UFD1: variants seen among roughly 807,000 people sequenced by gnomAD.
UFD1 encodes ubiquitin recognition factor in ER-associated degradation protein 1.
In UFD1, 13 loss-of-function variants were observed where a neutral mutation model predicts 45.9. The observed-to-expected ratio is 0.28, with a 90% confidence interval of 0.18 to 0.45. UFD1 has a LOEUF of 0.45. Ranked by LOEUF, UFD1 falls within the 20% of genes least tolerant of loss-of-function variation. The pLI is 1.00. For missense variants in UFD1, 218 were observed against 389.2 expected, an observed-to-expected ratio of 0.56 and a Z score of 3.70; for synonymous variants, 128 against 139.2, an observed-to-expected ratio of 0.92 and a Z score of 0.56.
At chr22:19,456,657 G>A in intron 8 of UFD1, 23 bp from the exon 9 acceptor site, 2 of 1,614,182 alleles carry the variant, frequency 1.2e-6, no homozygotes, top group South Asian at 1.1e-5. Context: ...AAGAAAAACA[G>A]GTGAGCTCCT....
chr22:19,461,256 T>C (rs944011418), intron 6 of UFD1, among the ~76,000 whole-genome samples: 1 of 152,274 alleles, frequency 6.6e-6, no homozygotes, highest in African/African-American at 2.4e-5. Context: ...TACCCATTCA[T>C]CTGCAATTTA....
chr22:19,477,844 G>A (rs1327721973), intron 1 of UFD1, among the ~76,000 whole-genome samples: 1 of 152,156 alleles, frequency 6.6e-6, no homozygotes, highest in Non-Finnish European at 1.5e-5. Flanking sequence ...AACATAGCAT[G>A]TTCCCGCCTA....
Position 19,471,911 on chromosome 22 carries a change from C to T in UFD1, c.170-103G>A, listed in dbSNP as rs146170974. ...AGCCTCCCCACAATCCTGCCCTCAA[C>T]CCCACACTCCTCTGGCAGATGAATC... On this transcript the variant is annotated intron_variant, in intron 3 of 11. Transcript: ENST00000263202. The T allele has an allele frequency of 5.6e-5, 82 of 1,474,772 alleles. No individual in the cohort carries two copies. In the African/African-American group the frequency reaches 9.1e-4, roughly 16 times the overall value. 91.4% of individuals were successfully genotyped at this position (1,474,772 alleles called of 1,614,324 possible). A position where few individuals can be genotyped will look rare whatever the true frequency, so the allele number is the denominator to read the frequency against.
At chr22:19,453,923 G>A (rs928338474) in intron 11 of UFD1, 32 of 985,422 alleles carry the variant, frequency 3.2e-5, no homozygotes, top group Admixed American at 1.2e-4. Context: ...GGTCTGAAGC[G>A]CTGGTGTTGT....
At position 19,465,003 on chromosome 22, in the gene UFD1, C is replaced by A. The variant is rs532358773; in HGVS notation, c.495+199G>T. ...GTCTATCAATGTTCCCCTGTAAATG[C>A]AATCTATCCTCAAAACAGAGTTACC... On this transcript the variant is annotated intron_variant, in intron 6 of 11. Transcript: ENST00000263202. 5.9e-5 allele frequency among the ~76,000 whole-genome samples: 9 copies of A among 152,158 alleles called. No individual in the cohort carries two copies. The East Asian group carries it at 1.7e-3, about 29-fold the overall frequency.
In UFD1 at chr22:19,475,593, T is replaced by C; in HGVS notation, c.13A>G (p.Asn5Asp). Residue 5 changes from asparagine to aspartate, a missense_variant, in exon 2 of 12, where the codon AAC becomes GAC. Asn to Asp is a conservative substitution (Grantham distance 23, BLOSUM62 1). Transcript: ENST00000263202. ...CTGGGAATAGGGTGGTCGAACATGT[T>C]GAAAGAGAACTAGAAGGAGGAAAGA... MFSF[N>D]MFDHPIPRVF... 6.2e-7 allele frequency: 1 copy of C among 1,614,122 alleles called. No homozygotes were observed.
In UFD1 at chr22:19,450,679, T is replaced by C. The variant is rs775969962; in HGVS notation, c.915A>G (p.Arg305=). The C allele has an allele frequency of 5.6e-6, 9 of 1,614,202 alleles. No individual in the cohort carries two copies. Among genetic ancestry groups the C allele is most frequent in the Middle Eastern group, 1.6e-4 (1 of 6,062 alleles). The change falls in exon 12 of 12, where the codon AGA becomes AGG. Residue 305 remains arginine, a synonymous_variant. Coordinates refer to ENST00000263202, the MANE Select transcript of UFD1 (RefSeq NM_005659.7). ...GEGQSLRKKG[R]KP ...AGCCAACAGTCCTCACTTAGGGCTTTCTTCCCTTTTTACGCAATGACTGTC... is the reference window on the plus strand; with the variant it reads ...AGCCAACAGTCCTCACTTAGGGCTTCCTTCCCTTTTTACGCAATGACTGTC...
chr22:19,479,069 C>T lies in UFD1; in HGVS notation c.3+14G>A. 1 of 1,611,290 alleles carries T rather than the reference C, an allele frequency of 6.2e-7. No homozygotes were observed. The highest frequency in any genetic ancestry group is 8.5e-7 in the Non-Finnish European group (1 of 1,179,232). On this transcript the variant is annotated intron_variant, in intron 1 of 11. Transcript: ENST00000263202. ...CCAAGGCCCAGCCCCCGCCCGCTGC[C>T]CGTCAGCGCTTACCATGATGGACAC...
chr22:19,475,178 T>C (rs1346398768), intron 2 of UFD1, 78 bp from the exon 3 acceptor site: 9 of 1,433,488 alleles, frequency 6.3e-6, no homozygotes, highest in Non-Finnish European at 8.5e-6. Flanking sequence ...AGTTTCTTTA[T>C]ATCTAACAAA....
intron 10 of UFD1, 71 bp downstream of exon 10, chr22:19,455,609 G>A: frequency 6.9e-7 from 1 of 1,459,172 alleles, no homozygotes; most frequent in Non-Finnish European, 9.5e-7. Context: ...GAACTGGGGT[G>A]AGGCTGCCCG....
intron 11 of UFD1, chr22:19,451,944 C>CT (rs2089686265): frequency 9.1e-6 from 9 of 985,414 alleles, no homozygotes; most frequent in Non-Finnish European, 1.1e-5. Context: ...GATTCTATGA[C>CT]TTTCTTATTT....
Position 19,467,890 on chromosome 22 carries a change from G to A in UFD1, c.405C>T (p.Ile135=), listed in dbSNP as rs749061934. The A allele has an allele frequency of 1.2e-6, 2 of 1,614,032 alleles. No homozygotes were observed. Among genetic ancestry groups the A allele is most frequent in the African/African-American group, 2.7e-5 (2 of 74,938 alleles). The change falls in exon 5 of 12, where the codon ATC becomes ATT. Residue 135 remains isoleucine (I), a synonymous_variant. Transcript: ENST00000263202. ...AAAGATACACGGCTTTGGGGTTGGT[G>A]ATGTCCAGGAAGTCAGGGCTCTGAG... The part of the protein sequence containing the change: ...FQPQSPDFLD[I]TNPKAVLENA...
Position 19,471,794 on chromosome 22 carries a change from T to C in UFD1, c.184A>G (p.Thr62Ala). The change falls in exon 4 of 12, where the codon ACC becomes GCC. Residue 62 changes from threonine (T) to alanine (A), a missense_variant. Physicochemically the swap from Thr to Ala is moderately conservative, Grantham distance 58 (BLOSUM62 0). Transcript: ENST00000263202. ...ALDQLSRLNI[T>A]YPMLFKLTNK... Reference sequence around the variant, plus strand: ...GTCAGTTTGAACAGCATGGGATAGGTAATGTTAAGTCGGCCTGAAAATAAG... The same window carrying C: ...GTCAGTTTGAACAGCATGGGATAGGCAATGTTAAGTCGGCCTGAAAATAAG... 1 of 1,613,808 alleles carries C rather than the reference T, an allele frequency of 6.2e-7. No homozygotes were observed.
chr22:19,456,517 C>T, intron 9 of UFD1, 70 bp downstream of exon 9: 1 of 1,606,174 alleles, frequency 6.2e-7, no homozygotes, highest in East Asian at 2.2e-5. Context: ...ATGGAGAACA[C>T]CTTGAGTGAG....
At position 19,453,161 on chromosome 22, in the gene UFD1, T is replaced by C. The variant is rs962295890; in HGVS notation, c.849+1588A>G. 6 of 985,322 alleles carry C rather than the reference T, an allele frequency of 6.1e-6. No homozygotes were observed. In the African/African-American group the frequency reaches 1.0e-4, roughly 17 times the overall value. The allele number at this position is 985,322 out of a possible 1,614,324, so 61.0% of individuals were successfully genotyped here. On this transcript the variant is annotated intron_variant, in intron 11 of 11. Coordinates refer to ENST00000263202, the MANE Select transcript of UFD1 (RefSeq NM_005659.7). ...TGGGGGAGGGAGGGTAATGCAGCTCTAACTGCTTAGTAACAGAATTCTGTC... is the reference window on the plus strand; with the variant it reads ...TGGGGGAGGGAGGGTAATGCAGCTCCAACTGCTTAGTAACAGAATTCTGTC...
chr22:19,473,760 A>C (rs2089862420), intron 3 of UFD1, among the ~76,000 whole-genome samples: 1 of 152,172 alleles, frequency 6.6e-6, no homozygotes, highest in African/African-American at 2.4e-5. Flanking sequence ...AGATATCCCC[A>C]ATTAAAGAAG....
Position 19,471,825 on chromosome 22 carries a change from G to C in UFD1, c.170-17C>G, listed in dbSNP as rs781725893. 1.2e-6 allele frequency: 2 copies of C among 1,611,230 alleles called. No homozygotes were observed. Among genetic ancestry groups the C allele is most frequent in the Admixed American group, 1.7e-5 (1 of 59,856 alleles). On this transcript the variant is annotated splice_polypyrimidine_tract_variant and intron_variant, in intron 3 of 11. Coordinates refer to ENST00000263202, the MANE Select transcript of UFD1 (RefSeq NM_005659.7). ...TAAGTCGGCCTGAAAATAAGAGAGA[G>C]ACTATGAGGCACAGCTCCTATGAAG... is the stretch of plus-strand genomic sequence containing the variant.
chr22:19,475,220 T>G (rs189962422), intron 2 of UFD1, 120 bp from the exon 3 acceptor site: 1 of 1,120,280 alleles, frequency 8.9e-7, no homozygotes, highest in East Asian at 2.6e-5. Flanking sequence ...GTAGCCAGAA[T>G]GTCCCAGTGA....
In UFD1 at chr22:19,453,113, G is replaced by A. The variant is rs987111006; in HGVS notation, c.849+1636C>T. The A allele has an allele frequency of 6.1e-5, 60 of 985,324 alleles. No individual in the cohort carries two copies. In the South Asian group the frequency reaches 1.6e-3, roughly 27 times the overall value. 61.0% of individuals were successfully genotyped at this position (985,324 alleles called of 1,614,324 possible). A position where few individuals can be genotyped will look rare whatever the true frequency, so the allele number is the denominator to read the frequency against. The stretch of plus-strand genomic sequence containing the variant: ...GATAGTAGTCTAGAGACCTACTGGA[G>A]TCGAGCCTCCAGCCTTCTGGGATGG... On this transcript the variant is annotated intron_variant, in intron 11 of 11. Coordinates refer to ENST00000263202, the MANE Select transcript of UFD1 (RefSeq NM_005659.7).
Sources: allele counts gnomAD v4.1 joint callset (sites outside exome capture counted in the v4.1 genomes callset), GRCh38; gene constraint gnomAD v4.1.1; transcripts MANE v1.5; gene names NCBI Gene and HGNC (gene_info 2026-07-23, HGNC 2026-07-21).